The following GRIK4 variants were observed in gnomAD, a reference collection of about 807,000 sequenced individuals.
GRIK4 encodes glutamate receptor ionotropic, kainate 4.
Under a neutral mutation model 104.9 loss-of-function variants are expected in GRIK4, and 40 were observed. The observed-to-expected ratio is 0.38, with a 90% CI of 0.30 to 0.50. GRIK4 has a LOEUF of 0.50. Among genes scored for constraint, GRIK4 ranks in the 20% least tolerant of loss-of-function variants. The pLI is 0.93. For synonymous variants in GRIK4, 485 were observed against 524.9 expected (o/e 0.92, Z 1.04); for missense variants, 1,047 against 1,308.1 (o/e 0.80, Z 3.08).
chr11:120,749,614 A>G (rs370069397), intron 3 of GRIK4, among the ~76,000 whole-genome samples: 8 of 152,132 alleles, frequency 5.3e-5, no homozygotes, highest in African/African-American at 1.7e-4. Flanking sequence ...TCCAGCTGAG[A>G]ATTGAGGGTG....
intron 2 of GRIK4, among the ~76,000 whole-genome samples, chr11:120,656,302 T>C (rs1319527523): frequency 6.6e-6 from 1 of 152,202 alleles, no homozygotes; most frequent in African/African-American, 2.4e-5. Context: ...TGGCTCTACC[T>C]CCAGACAGTT....
chr11:120,804,193 C>T (rs570766324), intron 4 of GRIK4, among the ~76,000 whole-genome samples: 4 of 152,292 alleles, frequency 2.6e-5, no homozygotes, highest in South Asian at 2.1e-4. Context: ...GAAGAGTCCC[C>T]GTCTCCTCCC....
At chr11:120,536,849 C>T (rs903275288) in intron 1 of GRIK4, among the ~76,000 whole-genome samples, 2 of 152,192 alleles carry the variant, frequency 1.3e-5, no homozygotes, top group Non-Finnish European at 2.9e-5. Flanking sequence ...ATTACGTAAA[C>T]AGAGCGGGGG....
chr11:120,917,269 A>AAAAAAAAAG (rs1463389337), intron 13 of GRIK4, among the ~76,000 whole-genome samples: 17 of 138,276 alleles, frequency 1.2e-4, no homozygotes, highest in East Asian at 4.1e-4. Flanking sequence ...AAAAAAAAAA[A>AAAAAAAAAG]AAAGAAAGAA....
intron 1 of GRIK4, among the ~76,000 whole-genome samples, chr11:120,522,378 G>A (rs886112968): frequency 9.9e-5 from 15 of 151,862 alleles, no homozygotes; most frequent in African/African-American, 3.1e-4. Context: ...CTGGAGTGCC[G>A]TGGCGCGACC....
At chr11:120,585,651 C>T (rs1948652492) in intron 1 of GRIK4, among the ~76,000 whole-genome samples, 1 of 149,966 alleles carries the variant, frequency 6.7e-6, no homozygotes, top group Non-Finnish European at 1.5e-5. Flanking sequence ...CAAGTGTTTT[C>T]TTCTACTCTG....
rs571534209 is a variant in GRIK4 at position 120,862,204 on chromosome 11, T to C, written c.906+84T>C. On this transcript the variant is annotated intron_variant, in intron 9 of 20. Transcript: ENST00000527524. ...TGGGCCAACCCCTGGGCAACACATCTTCTTGGAGTCCAGCCGTCTCCTGCT... is the reference window on the plus strand; with the variant it reads ...TGGGCCAACCCCTGGGCAACACATCCTCTTGGAGTCCAGCCGTCTCCTGCT... The C allele has an allele frequency of 1.1e-4, 127 of 1,184,712 alleles. 1 individual carries two copies. The African/African-American group carries it at 1.6e-3, about 15-fold the overall frequency. 73.4% of individuals were successfully genotyped at this position (1,184,712 alleles called of 1,614,324 possible).
rs190885958 is a variant in GRIK4 at position 120,775,694 on chromosome 11, C to T, written c.83-26999C>T. The stretch of plus-strand genomic sequence containing the variant: ...ACCCGTCATATTCAGAGCCTGTGGC[C>T]GGCACTTTCTTTGCAGTTTCTTATT... On this transcript the variant is annotated intron_variant, in intron 3 of 20. Coordinates refer to ENST00000527524, the MANE Select transcript of GRIK4 (RefSeq NM_014619.5). Among the ~76,000 whole-genome samples the T allele has an allele frequency of 1.7e-3, 258 of 152,346 alleles. 1 individual carries two copies. Among genetic ancestry groups the T allele is most frequent in the African/African-American group, 5.8e-3 (241 of 41,586 alleles).
At chr11:120,742,219 G>C (rs1056080531) in intron 3 of GRIK4, among the ~76,000 whole-genome samples, 3 of 152,120 alleles carry the variant, frequency 2.0e-5, no homozygotes, top group South Asian at 4.2e-4. Flanking sequence ...GTTGGTGTGT[G>C]CCTTTAGTCC....
chr11:120,827,768 C>G (rs1953306146), intron 6 of GRIK4, among the ~76,000 whole-genome samples: 1 of 152,234 alleles, frequency 6.6e-6, no homozygotes, highest in Admixed American at 6.5e-5. Context: ...CAACGTTTTA[C>G]TAGTTCGACT....
At chr11:120,675,447 C>T (rs1221229094) in intron 3 of GRIK4, among the ~76,000 whole-genome samples, 1 of 152,224 alleles carries the variant, frequency 6.6e-6, no homozygotes, top group East Asian at 1.9e-4. Context: ...CATTCTCACA[C>T]TCAATTTTCC....
At chr11:120,823,152 G>T (rs1953169454) in intron 6 of GRIK4, among the ~76,000 whole-genome samples, 1 of 152,344 alleles carries the variant, frequency 6.6e-6, no homozygotes, top group African/African-American at 2.4e-5. Flanking sequence ...AGATGGTCCT[G>T]CAGTCTTCCT....
At position 120,902,623 on chromosome 11, in the gene GRIK4, C is replaced by A; in HGVS notation, c.1273-2667C>A. 6.6e-6 allele frequency among the ~76,000 whole-genome samples: 1 copy of A among 152,120 alleles called. No homozygotes were observed. Among genetic ancestry groups the A allele is most frequent in the East Asian group, 1.9e-4 (1 of 5,182 alleles). On this transcript the variant is annotated intron_variant, in intron 12 of 20. Coordinates refer to ENST00000527524, the MANE Select transcript of GRIK4 (RefSeq NM_014619.5). The surrounding 1 kb of genome is among the most constrained non-coding windows in gnomAD (Gnocchi z 4.5). ...TTAATGCTGAGCCAGGTAGGGGAAC[C>A]AAGCAGGTGACGAGTCTGTCCCAGG... is the stretch of plus-strand genomic sequence containing the variant.
At chr11:120,637,645 A>T (rs1304297075) in intron 1 of GRIK4, among the ~76,000 whole-genome samples, 2 of 152,166 alleles carry the variant, frequency 1.3e-5, no homozygotes, top group African/African-American at 4.8e-5. Context: ...GAGAAGATTC[A>T]TACCCAGAAT....
chr11:120,959,890 A>C (rs554262192), intron 16 of GRIK4, among the ~76,000 whole-genome samples: 1 of 152,332 alleles, frequency 6.6e-6, no homozygotes, highest in African/African-American at 2.4e-5. Flanking sequence ...ATCAGCTGGC[A>C]CAGGGGCTCA....
chr11:120,985,983 G>A lies in GRIK4; in HGVS notation c.2594G>A (p.Arg865His). Residue 865 changes from arginine to histidine, a missense_variant, in exon 21 of 21, where the codon CGC (arginine) becomes CAC (histidine). Physicochemically the swap from Arg to His is conservative, Grantham distance 29 (BLOSUM62 0). This residue lies in a region of GRIK4 where 440 missense variants were observed against 652.3 expected (regional missense o/e 0.67). Transcript: ENST00000527524. The stretch of plus-strand genomic sequence containing the variant: ...GACAGTATCCACCCCCGCCGGCGGC[G>A]CGCCGCAGTCCCGCCGCCCCGGCCC... Reference protein sequence around the residue: ...CQDSIHPRRRRAAVPPPRPPI... With the variant: ...CQDSIHPRRRHAAVPPPRPPI... The A allele has an allele frequency of 2.0e-6, 3 of 1,534,336 alleles. No homozygotes were observed. The highest frequency in any genetic ancestry group is 2.6e-6 in the Non-Finnish European group (3 of 1,140,842).
At position 120,512,360 on chromosome 11, in the gene GRIK4, G is replaced by A. The variant is rs1352282297; in HGVS notation, c.-159+473G>A. On this transcript the variant is annotated intron_variant, in intron 1 of 20. Coordinates refer to ENST00000527524, the MANE Select transcript of GRIK4 (RefSeq NM_014619.5). The stretch of plus-strand genomic sequence containing the variant: ...GCTTCTCCCAGCGCCTCTGTTCCCC[G>A]GCTGCAGCCCCCCATCCCGGCTCAG... Among the ~76,000 whole-genome samples the A allele has an allele frequency of 2.0e-5, 3 of 150,894 alleles. No homozygotes were observed. In the East Asian group the frequency reaches 5.9e-4, roughly 30 times the overall value.
intron 19 of GRIK4, among the ~76,000 whole-genome samples, chr11:120,977,135 T>C (rs937715213): frequency 6.6e-6 from 1 of 152,176 alleles, no homozygotes; most frequent in African/African-American, 2.4e-5. Context: ...ACACCAAAGT[T>C]AGTATTTAGC....
In GRIK4 at chr11:120,528,383, T is replaced by A. The variant is rs188585445; in HGVS notation, c.-159+16496T>A. Among the ~76,000 whole-genome samples the A allele has an allele frequency of 1.4e-3, 213 of 152,318 alleles. 1 individual carries two copies. The highest frequency in any genetic ancestry group is 4.5e-3 in the Admixed American group (69 of 15,300). On this transcript the variant is annotated intron_variant, in intron 1 of 20. Coordinates refer to ENST00000527524, the MANE Select transcript of GRIK4 (RefSeq NM_014619.5). ...GCCTTGGCCTCCCAAAGTGCTGGGA[T>A]TACAGGCATGAGCCACCAAGCCCGA...
Sources: gnomAD v4.1 joint callset for allele counts (sites outside exome capture counted in the v4.1 genomes callset) on GRCh38, gnomAD v4.1.1 for gene constraint, gnomAD v4.1.1 regional missense constraint, Gnocchi (gnomAD v3.1) non-coding constraint, MANE v1.5 for transcripts, NCBI Gene and HGNC (gene_info 2026-07-23, HGNC 2026-07-21) for gene names.